STON2: variants seen among roughly 807,000 people sequenced by gnomAD.
STON2 encodes stonin 2.
In STON2, 29 loss-of-function variants were observed where a neutral mutation model predicts 65.7. That is an observed-to-expected ratio of 0.44 (90% CI 0.33 to 0.60). STON2 has a LOEUF of 0.60. STON2 is among the 20% of genes least tolerant of loss of function. The pLI, the probability that STON2 is intolerant of heterozygous loss-of-function variation, is 0.03. For missense variants in STON2, 1,054 were observed against 1,118.1 expected (o/e 0.94, Z 0.82); for synonymous variants, 404 against 414.2 (o/e 0.98, Z 0.30).
intron 6 of STON2, among the ~76,000 whole-genome samples, chr14:81,275,639 C>A (rs1894784406): frequency 6.6e-6 from 1 of 152,124 alleles, no homozygotes; most frequent in African/African-American, 2.4e-5. Flanking sequence ...TTTAAAAATT[C>A]TGTCAGTTTA....
chr14:81,366,736 G>A (rs1414916224), intron 4 of STON2, among the ~76,000 whole-genome samples: 1 of 152,044 alleles, frequency 6.6e-6, no homozygotes, highest in Non-Finnish European at 1.5e-5. Flanking sequence ...GCTATAGTTT[G>A]AGTAACAGCT....
At chr14:81,358,430 A>C (rs1898347776) in intron 4 of STON2, among the ~76,000 whole-genome samples, 1 of 152,192 alleles carries the variant, frequency 6.6e-6, no homozygotes, top group South Asian at 2.1e-4. Flanking sequence ...AAAGGATCAA[A>C]GCATACCACT....
At position 81,398,379 on chromosome 14, in the gene STON2, T is replaced by C. The variant is rs149916670; in HGVS notation, c.4A>G (p.Thr2Ala). The C allele has an allele frequency of 9.3e-6, 15 of 1,613,734 alleles. No individual in the cohort carries two copies. Among genetic ancestry groups the C allele is most frequent in the African/African-American group, 1.3e-5 (1 of 74,890 alleles). Residue 2 changes from threonine to alanine, a missense_variant, in exon 2 of 8, where the codon ACG (threonine) becomes GCG (alanine). Coordinates refer to ENST00000614646, the MANE Select transcript of STON2 (RefSeq NM_001394390.1). Reference protein sequence around the residue: MTTLDHVIATHQ... With the variant: MATLDHVIATHQ... The stretch of plus-strand genomic sequence containing the variant: ...GTGGCAATCACATGGTCCAAAGTCG[T>C]CATGCTAAAAAGGCACTGGTCATCT...
chr14:81,363,383 A>G (rs1379853862), intron 4 of STON2, among the ~76,000 whole-genome samples: 1 of 152,190 alleles, frequency 6.6e-6, no homozygotes, highest in African/African-American at 2.4e-5. Flanking sequence ...TCATGGGAAA[A>G]TATCACATAG....
At position 81,278,023 on chromosome 14, in the gene STON2, T is replaced by C. The variant is rs148116935; in HGVS notation, c.1459A>G (p.Met487Val). Residue 487 changes from methionine (M) to valine (V), a missense_variant, in exon 6 of 8, where the codon ATG becomes GTG. Physicochemically the swap from Met to Val is conservative, Grantham distance 21 (BLOSUM62 1). Transcript: ENST00000614646. ...ARSQPRDGWP[M>V]MLRIPEKKNI... ...TTCTTCTCAGGGATCCTCAACATCA[T>C]TGGCCACCCGTCACGAGGCTGGGAC... The C allele has an allele frequency of 1.6e-4, 261 of 1,614,058 alleles. No individual in the cohort carries two copies. The highest frequency in any genetic ancestry group is 2.2e-4 in the Non-Finnish European group (256 of 1,180,040).
At chr14:81,276,404 T>C (rs570948527) in intron 6 of STON2, among the ~76,000 whole-genome samples, 1 of 152,150 alleles carries the variant, frequency 6.6e-6, no homozygotes, top group Admixed American at 6.5e-5. Context: ...AGCCAAAGTC[T>C]GAATGTGAGA....
intron 3 of STON2, among the ~76,000 whole-genome samples, chr14:81,390,944 A>G (rs1382361777): frequency 1.3e-5 from 2 of 152,194 alleles, no homozygotes; most frequent in East Asian, 3.8e-4. Context: ...TTCATCACTA[A>G]AATCTTTAAG....
chr14:81,382,542 C>A (rs1899575705), intron 3 of STON2, among the ~76,000 whole-genome samples: 1 of 151,692 alleles, frequency 6.6e-6, no homozygotes, highest in South Asian at 2.1e-4. Context: ...GGTGGTGATA[C>A]AGAGGGGAGG....
intron 2 of STON2, among the ~76,000 whole-genome samples, chr14:81,396,749 AAT>A (rs145321953): frequency 0.26 from 34,913 of 133,272 alleles, 5,484 homozygotes; most frequent in African/African-American, 0.5. Context: ...AGCCTTCAAA[AAT>A]TTTTTTTTTG....
Position 81,260,720 on chromosome 14 carries a change from A to G in STON2, c.*7694T>C, listed in dbSNP as rs916527697. 2 of 152,236 alleles carry G rather than the reference A, an allele frequency of 1.3e-5. No homozygotes were observed. Among genetic ancestry groups the G allele is most frequent in the Non-Finnish European group, 2.9e-5 (2 of 68,088 alleles). 9.4% of individuals were successfully genotyped at this position (152,236 alleles called of 1,614,324 possible). A position where few individuals can be genotyped will look rare whatever the true frequency, so the allele number is the denominator to read the frequency against. On this transcript the variant is annotated 3_prime_UTR_variant, in exon 8 of 8. Transcript: ENST00000614646. ...AGAAAAGGATATAATCAGTAGAACA[A>G]CTAAAAACAAAACCTCACCTCTACA...
intron 4 of STON2, among the ~76,000 whole-genome samples, chr14:81,366,797 T>A (rs879781271): frequency 6.6e-6 from 1 of 151,236 alleles, no homozygotes; most frequent in Non-Finnish European, 1.5e-5. Flanking sequence ...ATGCCCCATA[T>A]CAAATGGAAA....
At chr14:81,334,117 C>T (rs1013657841) in intron 4 of STON2, among the ~76,000 whole-genome samples, 1 of 152,198 alleles carries the variant, frequency 6.6e-6, no homozygotes, top group African/African-American at 2.4e-5. Context: ...AGAAGTGATA[C>T]TGATGCTGAA....
At chr14:81,405,984 G>A (rs1900839461) in intron 2 of STON2, among the ~76,000 whole-genome samples, 1 of 152,164 alleles carries the variant, frequency 6.6e-6, no homozygotes, top group Non-Finnish European at 1.5e-5. Context: ...GACTTGCTGA[G>A]TCTTCTGGCC....
intron 3 of STON2, among the ~76,000 whole-genome samples, chr14:81,375,632 C>G (rs1899217858): frequency 6.6e-6 from 1 of 151,824 alleles, no homozygotes; most frequent in Non-Finnish European, 1.5e-5. Flanking sequence ...ATATATCAAG[C>G]AAGCAAAAAT....
At chr14:81,351,178 C>CTTTT (rs370421507) in intron 4 of STON2, among the ~76,000 whole-genome samples, 34,995 of 127,478 alleles carry the variant, frequency 0.27, 4,668 homozygotes, top group East Asian at 0.39. Context: ...GTAAGCTCTT[C>CTTTT]TTTTTTTTTT....
At chr14:81,306,139 A>G (rs1015932122) in intron 5 of STON2, among the ~76,000 whole-genome samples, 4 of 113,240 alleles carry the variant, frequency 3.5e-5, no homozygotes, top group African/African-American at 1.1e-4. Flanking sequence ...AAAGAATCCT[A>G]TTGATTCTTT....
chr14:81,372,281 C>G (rs990179208), intron 3 of STON2, among the ~76,000 whole-genome samples: 8 of 152,062 alleles, frequency 5.3e-5, no homozygotes, highest in Admixed American at 6.5e-5. Flanking sequence ...CGGCCGGGCA[C>G]GGTGGCTCAC....
intron 4 of STON2, among the ~76,000 whole-genome samples, chr14:81,331,238 G>A (rs1897202323): frequency 6.6e-6 from 1 of 152,252 alleles, no homozygotes; most frequent in Non-Finnish European, 1.5e-5. Flanking sequence ...TGCCACAGAT[G>A]CTTTGGGTAC....
intron 4 of STON2, among the ~76,000 whole-genome samples, chr14:81,366,654 TC>T (rs1420127655): frequency 6.6e-6 from 1 of 151,774 alleles, no homozygotes; most frequent in Non-Finnish European, 1.5e-5. Flanking sequence ...CATACCGAAC[TC>T]CCCACTGCAT....
Sources: allele counts gnomAD v4.1 joint callset (sites outside exome capture counted in the v4.1 genomes callset), GRCh38; gene constraint gnomAD v4.1.1; transcripts MANE v1.5; gene names NCBI Gene and HGNC (gene_info 2026-07-23, HGNC 2026-07-21).